MIA2: variants seen among roughly 807,000 people sequenced by gnomAD.
MIA2 encodes the protein MIA SH3 domain ER export factor 2.
In MIA2, 127 loss-of-function variants were observed where a neutral mutation model predicts 167.8. That is an observed-to-expected ratio of 0.76 (90% CI 0.66 to 0.88). The LOEUF (loss-of-function observed/expected upper bound fraction) is 0.88. Ranked by LOEUF, MIA2 falls within the 40% of genes least tolerant of loss-of-function variation. MIA2 has a pLI of 0.00. For synonymous variants in MIA2, 552 were observed against 541.9 expected, an observed-to-expected ratio of 1.02 and a Z score of -0.26; for missense variants, 1,690 against 1,624.7, an observed-to-expected ratio of 1.04 and a Z score of -0.69.
intron 24 of MIA2, among the ~76,000 whole-genome samples, chr14:39,324,487 C>T (rs1355259431): frequency 6.6e-6 from 1 of 152,126 alleles, no homozygotes; most frequent in Non-Finnish European, 1.5e-5. Context: ...TTAAAGATTA[C>T]TATATATTAA....
chr14:39,362,760 G>T (rs1415918088), intron 23 of MIA2, among the ~76,000 whole-genome samples: 1 of 151,908 alleles, frequency 6.6e-6, no homozygotes, highest in Admixed American at 6.6e-5. Flanking sequence ...TTTCCTTGAG[G>T]TGCATTGTTA....
chr14:39,265,491 T>C, intron 6 of MIA2: 1 of 1,246,254 alleles, frequency 8.0e-7, no homozygotes, highest in Non-Finnish European at 1.2e-6. Flanking sequence ...TTGTTAAGCT[T>C]TACTGTGTTT....
intron 9 of MIA2, 38 bp from the exon 10 acceptor site, chr14:39,290,981 T>C: frequency 6.5e-7 from 1 of 1,539,078 alleles, no homozygotes; most frequent in Non-Finnish European, 8.9e-7. Flanking sequence ...TAGAATACAA[T>C]TGGTAGAGTT....
In MIA2 at chr14:39,271,427, C is replaced by T. The variant is rs112593964; in HGVS notation, c.1888-5507C>T. On this transcript the variant is annotated intron_variant, in intron 6 of 28. Transcript: ENST00000640607. ...CAGTAGGGAAGTATGAGTCCCCCAG[C>T]GTTGTTTTTGTTTATCCACGTTCTT... Among the ~76,000 whole-genome samples the T allele has an allele frequency of 9.1e-4, 138 of 152,104 alleles. 1 individual carries two copies. Among genetic ancestry groups the T allele is most frequent in the African/African-American group, 2.9e-3 (122 of 41,512 alleles).
At chr14:39,249,910 A>G (rs1394947598) in intron 4 of MIA2, among the ~76,000 whole-genome samples, 1 of 152,188 alleles carries the variant, frequency 6.6e-6, no homozygotes, top group Non-Finnish European at 1.5e-5. Flanking sequence ...ATACCTTAAC[A>G]TTCCCTAAAA....
At chr14:39,266,071 A>G (rs1208550985) in intron 6 of MIA2, 18 of 985,330 alleles carry the variant, frequency 1.8e-5, no homozygotes, top group African/African-American at 5.2e-5. Flanking sequence ...TTTAAATGGC[A>G]TAACAGTTCG....
intron 9 of MIA2, among the ~76,000 whole-genome samples, chr14:39,285,483 A>C (rs1240490274): frequency 7.2e-5 from 7 of 96,720 alleles, no homozygotes; most frequent in Admixed American, 3.1e-4. Context: ...CTGACCCCCC[A>C]CCTCCCTCCC....
At chr14:39,371,369 C>CA (rs573093788) in intron 23 of MIA2, among the ~76,000 whole-genome samples, 4 of 151,626 alleles carry the variant, frequency 2.6e-5, no homozygotes, top group Non-Finnish European at 5.9e-5. Context: ...AGGTTGGTTG[C>CA]AAAAAAAGAC....
chr14:39,260,347 C>T (rs1473351378), intron 6 of MIA2, among the ~76,000 whole-genome samples: 6 of 152,100 alleles, frequency 3.9e-5, no homozygotes, highest in African/African-American at 1.2e-4. Context: ...TTCCTATTTC[C>T]CCACATCCTC....
At chr14:39,258,744 G>A (rs917461678) in intron 6 of MIA2, among the ~76,000 whole-genome samples, 1 of 152,146 alleles carries the variant, frequency 6.6e-6, no homozygotes, top group African/African-American at 2.4e-5. Flanking sequence ...GATCTTTGAG[G>A]CTGGTGACCT....
chr14:39,308,212 G>A (rs1030370352), intron 17 of MIA2, among the ~76,000 whole-genome samples: 2 of 151,956 alleles, frequency 1.3e-5, no homozygotes, highest in Non-Finnish European at 2.9e-5. Flanking sequence ...ATTACACATC[G>A]AATACCTATA....
Position 39,326,896 on chromosome 14 carries a change from C to A in MIA2, c.3529C>A (p.Gln1177Lys), listed in dbSNP as rs545600752. Residue 1177 changes from glutamine (Q) to lysine (K), a missense_variant, in exon 25 of 29, where the codon CAG becomes AAG. By Grantham distance (53) the Gln-to-Lys change is moderately conservative (BLOSUM62 1). Coordinates refer to ENST00000640607, the MANE Select transcript of MIA2 (RefSeq NM_001329214.4). ...AGGCCCAGGGAATCCTCTGGACCAT[C>A]AGATTACCAATGAAAGAGGAGAATC... ...SRGPGNPLDH[Q>K]ITNERGESSC... The A allele has an allele frequency of 1.9e-5, 30 of 1,595,124 alleles. No individual in the cohort carries two copies. Among genetic ancestry groups the A allele is most frequent in the Non-Finnish European group, 2.4e-5 (28 of 1,172,328 alleles).
At chr14:39,249,871 A>AT (rs935609996) in intron 4 of MIA2, among the ~76,000 whole-genome samples, 3 of 152,150 alleles carry the variant, frequency 2.0e-5, no homozygotes, top group African/African-American at 4.8e-5. Flanking sequence ...GAACCAGGTG[A>AT]TTTTTTTGAA....
chr14:39,374,010 T>A (rs1226593754), intron 23 of MIA2, among the ~76,000 whole-genome samples: 1 of 152,008 alleles, frequency 6.6e-6, no homozygotes, highest in Non-Finnish European at 1.5e-5. Context: ...AAACTCAAGG[T>A]GTGAGACTGG....
intron 23 of MIA2, among the ~76,000 whole-genome samples, chr14:39,369,252 A>C (rs1595951902): frequency 6.6e-6 from 1 of 152,268 alleles, no homozygotes; most frequent in Admixed American, 6.5e-5. Flanking sequence ...AAGGCTGTTC[A>C]GATGCCGGAA....
At chr14:39,298,287 A>C (rs2061715368) in intron 13 of MIA2, among the ~76,000 whole-genome samples, 2 of 151,430 alleles carry the variant, frequency 1.3e-5, no homozygotes, top group Admixed American at 1.3e-4. Context: ...CTCCTTCTCT[A>C]ATGTTTTAAT....
intron 22 of MIA2, among the ~76,000 whole-genome samples, chr14:39,318,776 G>A (rs1013901112): frequency 6.6e-6 from 1 of 152,054 alleles, no homozygotes; most frequent in Non-Finnish European, 1.5e-5. Flanking sequence ...CGTTACAATG[G>A]AAAGCATACA....
In MIA2 at chr14:39,323,870, G is replaced by C. The variant is rs1454887880; in HGVS notation, c.3496+2814G>C. 2.0e-5 allele frequency among the ~76,000 whole-genome samples: 3 copies of C among 152,102 alleles called. No homozygotes were observed. In the East Asian group the frequency reaches 5.8e-4, roughly 29 times the overall value. On this transcript the variant is annotated intron_variant, in intron 24 of 28. Coordinates refer to ENST00000640607, the MANE Select transcript of MIA2 (RefSeq NM_001329214.4). ...TTAATTTAAAGATACAGTGTGTTTA[G>C]ATTATCTGCAAGGGTGTTTTACCAT...
At position 39,314,152 on chromosome 14, in the gene MIA2, A is replaced by G. The variant is rs183564999; in HGVS notation, c.3120-587A>G. 1.7e-3 allele frequency among the ~76,000 whole-genome samples: 258 copies of G among 152,252 alleles called. 1 individual carries two copies. Among genetic ancestry groups the G allele is most frequent in the African/African-American group, 5.5e-3 (230 of 41,576 alleles). On this transcript the variant is annotated intron_variant, in intron 19 of 28. Transcript: ENST00000640607. The stretch of plus-strand genomic sequence containing the variant: ...TATAATCCCTGTACTTTGGGAGGCC[A>G]AGGTGGGTGGATCATCTGAGGTCAG...
Sources: allele counts gnomAD v4.1 joint callset (sites outside exome capture counted in the v4.1 genomes callset), GRCh38; gene constraint gnomAD v4.1.1; transcripts MANE v1.5; gene names NCBI Gene and HGNC (gene_info 2026-07-23, HGNC 2026-07-21).